Variants in SMS observed in about 807,000 individuals in gnomAD.
The protein encoded by SMS is spermine synthase, also known as spermidine aminopropyltransferase.
A neutral mutation model predicts 33.0 loss-of-function variants in SMS; 3 were observed. The observed-to-expected ratio is 0.09, with a 90% CI of 0.04 to 0.23. The LOEUF is 0.23. SMS is among the 10% of genes least tolerant of loss of function. The pLI is 1.00. For missense variants in SMS, 117 were observed against 288.6 expected (o/e 0.41, Z 4.31); for synonymous variants, 103 against 112.2 (o/e 0.92, Z 0.52).
intron 2 of SMS, among the ~76,000 whole-genome samples, chrX:21,970,501 C>T (rs977918015): frequency 1.8e-5 from 2 of 111,682 alleles, no homozygotes; most frequent in South Asian, 3.8e-4. Flanking sequence ...AGTTTGTGGA[C>T]TCTGGGGAAG....
In SMS at chrX:21,971,950, G is replaced by A. The variant is rs1303527359; in HGVS notation, c.224G>A (p.Ser75Asn). Reference sequence around the variant, plus strand: ...GGATTGGTGTTGCTGGACCTTCAGAGTTATGATGGTGATGCGCAAGGCAAA... The same window carrying A: ...GGATTGGTGTTGCTGGACCTTCAGAATTATGATGGTGATGCGCAAGGCAAA... ...PHGLVLLDLQ[S>N]YDGDAQGKEE... The change falls in exon 3 of 11, where the codon AGT becomes AAT. Residue 75 changes from serine (S) to asparagine (N), a missense_variant. Transcript: ENST00000404933. 8.3e-7 allele frequency: 1 copy of A among 1,201,655 alleles called. No individual in the cohort carries two copies. Among genetic ancestry groups the A allele is most frequent in the African/African-American group, 1.8e-5 (1 of 56,999 alleles).
chrX:21,953,290 G>A (rs1421278291), intron 1 of SMS, among the ~76,000 whole-genome samples: 7 of 107,223 alleles, frequency 6.5e-5, no homozygotes, highest in South Asian at 4.4e-4. Context: ...TAAGCATTTC[G>A]TGGGGGCAGG....
At chrX:21,965,283 A>G (rs1008192306) in intron 1 of SMS, among the ~76,000 whole-genome samples, 2 of 111,613 alleles carry the variant, frequency 1.8e-5, no homozygotes, top group African/African-American at 6.5e-5. Context: ...TATACCCACT[A>G]CAGTGGGAGA....
At position 21,940,736 on chromosome X, in the gene SMS, C is replaced by T; in HGVS notation, c.-89C>T. The T allele has an allele frequency of 1.3e-6, 1 of 795,091 alleles. No individual in the cohort carries two copies. The highest frequency in any genetic ancestry group is 1.8e-6 in the Non-Finnish European group (1 of 566,973). 65.5% of individuals were successfully genotyped at this position (795,091 alleles called of 1,213,427 possible). ...TCCTGGCCTCCCCGGGCGCAGCACA[C>T]TCCCAGCCGGCCGCAGCCTGACACG... is the stretch of plus-strand genomic sequence containing the variant. On this transcript the variant is annotated 5_prime_UTR_variant, in exon 1 of 11. Transcript: ENST00000404933.
At chrX:21,992,053 G>A (rs1925792719) in intron 9 of SMS, among the ~76,000 whole-genome samples, 1 of 112,096 alleles carries the variant, frequency 8.9e-6, no homozygotes, top group Non-Finnish European at 1.9e-5. Flanking sequence ...TTGATAAGGT[G>A]TGCAACTAGG....
At chrX:21,949,178 A>G (rs1310668856) in intron 1 of SMS, among the ~76,000 whole-genome samples, 2 of 112,005 alleles carry the variant, frequency 1.8e-5, no homozygotes. Context: ...AGCATGTTCT[A>G]GATTCCTGAA....
rs766353818 is a variant in SMS, at chrX:21,941,389, G to A, written c.49+516G>A. 239 of 223,771 alleles carry A rather than the reference G, an allele frequency of 1.1e-3. 1 individual carries two copies. The highest frequency in any genetic ancestry group is 5.9e-3 in the African/African-American group (192 of 32,527). The allele number at this position is 223,771 out of a possible 1,213,427, so 18.4% of individuals were successfully genotyped here. A position where few individuals can be genotyped will look rare whatever the true frequency, so the allele number is the denominator to read the frequency against. On this transcript the variant is annotated intron_variant, in intron 1 of 10. Coordinates refer to ENST00000404933, the MANE Select transcript of SMS (RefSeq NM_004595.5). ...GCGGGTAAATTTCCCTCTTGGGGGC[G>A]GGGGTTTCCCCTCGTAGGGAGCTGG...
At chrX:21,962,242 C>A (rs1923409359) in intron 1 of SMS, among the ~76,000 whole-genome samples, 1 of 111,796 alleles carries the variant, frequency 8.9e-6, no homozygotes, top group African/African-American at 3.3e-5. Context: ...GTTAACCTTA[C>A]CCCTGATATC....
rs996146202 is a variant in SMS at position 21,984,161 on chromosome X, T to C, written c.751-143T>C. 14 of 505,168 alleles carry C rather than the reference T, an allele frequency of 2.8e-5. No individual in the cohort carries two copies. The African/African-American group carries it at 3.1e-4, about 11-fold the overall frequency. 41.6% of individuals were successfully genotyped at this position (505,168 alleles called of 1,213,427 possible). A position where few individuals can be genotyped will look rare whatever the true frequency, so the allele number is the denominator to read the frequency against. On this transcript the variant is annotated intron_variant, in intron 7 of 10. Transcript: ENST00000404933. ...CTGTTAACAGACATAGATGAAAGTT[T>C]TTTGGTTCCTGTAGCAGTTGCTGTG... is the stretch of plus-strand genomic sequence containing the variant.
At chrX:21,992,782 T>A (rs1925846303) in intron 10 of SMS, 70 bp downstream of exon 10, 1 of 614,038 alleles carries the variant, frequency 1.6e-6, no homozygotes, top group African/African-American at 2.2e-5. Flanking sequence ...AATGAAAAAA[T>A]TTAAATCACA....
intron 9 of SMS, among the ~76,000 whole-genome samples, chrX:21,990,090 A>G (rs1268940373): frequency 1.8e-5 from 2 of 111,870 alleles, no homozygotes; most frequent in Non-Finnish European, 3.8e-5. Context: ...CAACACAGGG[A>G]GACATATTTA....
At chrX:21,991,167 CA>C (rs1296655617) in intron 9 of SMS, among the ~76,000 whole-genome samples, 1 of 111,783 alleles carries the variant, frequency 8.9e-6, no homozygotes, top group African/African-American at 3.3e-5. Context: ...TATTTTGAGG[CA>C]AATTAATAGT....
chrX:21,980,429 A>T (rs6633500), intron 7 of SMS, among the ~76,000 whole-genome samples: 6,120 of 62,914 alleles, frequency 0.097, 362 homozygotes, highest in Non-Finnish European at 0.13. Flanking sequence ...AAAAAAAAAA[A>T]ATATATATAT....
chrX:21,945,634 T>TCCCCCCCC (rs376720187), intron 1 of SMS, among the ~76,000 whole-genome samples: 16 of 34,128 alleles, frequency 4.7e-4, no homozygotes, highest in East Asian at 1.3e-3. Context: ...TTGCTTCCCG[T>TCCCCCCCC]CCCCCCCCCC....
intron 1 of SMS, 124 bp from the exon 2 acceptor site, chrX:21,967,056 TTTTATTTATTTATTTA>T (rs565160089): frequency 6.2e-5 from 20 of 322,777 alleles, no homozygotes; most frequent in South Asian, 3.3e-4. Flanking sequence ...GTTTTTTAAT[TTTTATTTATTTATTTA>T]TTTATTTATT....
intron 1 of SMS, among the ~76,000 whole-genome samples, chrX:21,944,539 A>AAAAAAAAAAAAAGAAAAAAG (rs776946474): frequency 3.3e-4 from 27 of 81,428 alleles, no homozygotes; most frequent in African/African-American, 1.2e-3. Context: ...AAAAAAAAAA[A>AAAAAAAAAAAAAGAAAAAAG]AAAAAAGAAA....
chrX:21,953,890 A>ATTTTTTTTTTTTTTTTTTTTTTTTTTT (rs10599284), intron 1 of SMS, among the ~76,000 whole-genome samples: 1 of 90,152 alleles, frequency 1.1e-5, no homozygotes, highest in Non-Finnish European at 2.2e-5. Context: ...AATTTTATTG[A>ATTTTTTTTTTTTTTTTTTTTTTTTTTT]TTTTTTTTTT....
In SMS at chrX:21,978,982, A is replaced by G. The variant is rs769275577; in HGVS notation, c.750+16A>G. On this transcript the variant is annotated intron_variant, in intron 7 of 10. Transcript: ENST00000404933. ...CTGCTATCAGGTAATTGTTTTCTGG[A>G]TAATGTAGTTTTAAGTGAACTAATA... 1.8e-5 allele frequency: 20 copies of G among 1,087,227 alleles called. No homozygotes were observed. The highest frequency in any genetic ancestry group is 2.6e-5 in the Non-Finnish European group (20 of 782,084). 89.6% of individuals were successfully genotyped at this position (1,087,227 alleles called of 1,213,427 possible). A position where few individuals can be genotyped will look rare whatever the true frequency, so the allele number is the denominator to read the frequency against.
rs1024966361 is a variant in SMS, at chrX:21,969,772, A to G, written c.171-2125A>G. Among the ~76,000 whole-genome samples, 6 of 112,757 alleles carry G rather than the reference A, an allele frequency of 5.3e-5. No homozygotes were observed. The South Asian group carries it at 1.1e-3, about 21-fold the overall frequency. On this transcript the variant is annotated intron_variant, in intron 2 of 10. Coordinates refer to ENST00000404933, the MANE Select transcript of SMS (RefSeq NM_004595.5). ...TGTTCGGAAACTGCTTCGAAAAGCA[A>G]TAAACAAAAACAAAAACCCCAAATG...
Sources: allele counts gnomAD v4.1 joint callset (sites outside exome capture counted in the v4.1 genomes callset), GRCh38; gene constraint gnomAD v4.1.1; transcripts MANE v1.5; gene names NCBI Gene and HGNC (gene_info 2026-07-23, HGNC 2026-07-21).